Variants in ZSWIM3 observed in about 807,000 individuals in gnomAD.
The protein encoded by ZSWIM3 is zinc finger SWIM-type containing 3, also known as zinc finger SWIM domain-containing protein 3.
In ZSWIM3, 27 loss-of-function variants were observed where a neutral mutation model predicts 47.5. That is an observed-to-expected ratio of 0.57 (90% CI 0.42 to 0.78). ZSWIM3 has a LOEUF of 0.78. Ranked by LOEUF, ZSWIM3 falls within the 30% of genes least tolerant of loss-of-function variation. ZSWIM3 has a pLI of 0.00. For missense variants in ZSWIM3, 689 were observed against 861.3 expected, an observed-to-expected ratio of 0.80 and a Z score of 2.50; for synonymous variants, 333 against 333.9, an observed-to-expected ratio of 1.00 and a Z score of 0.03.
At chr20:45,876,586 A>C in intron 1 of ZSWIM3, 128 bp from the exon 2 acceptor site, 1 of 1,150,074 alleles carries the variant, frequency 8.7e-7, no homozygotes, top group South Asian at 1.6e-5. Context: ...TGATCCTCCC[A>C]CCTCAGCCTC....
Position 45,878,430 on chromosome 20 carries a change from G to T in ZSWIM3, c.1872G>T (p.Arg624Ser). ...GRNDMIQDLSRELANLLMQTE... is the reference protein window; with the variant it reads ...GRNDMIQDLSSELANLLMQTE... ...ACGACATGATTCAGGACCTAAGCAG[G>T]GAGTTAGCAAACCTGCTCATGCAGA... is the stretch of plus-strand genomic sequence containing the variant. The change falls in exon 2 of 2, where the codon AGG becomes AGT. Residue 624 changes from arginine to serine, a missense_variant. Coordinates refer to ENST00000255152, the MANE Select transcript of ZSWIM3 (RefSeq NM_080752.4). 2 of 1,614,212 alleles carry T rather than the reference G, an allele frequency of 1.2e-6. No individual in the cohort carries two copies. Among genetic ancestry groups the T allele is most frequent in the Non-Finnish European group, 1.7e-6 (2 of 1,180,042 alleles).
intron 1 of ZSWIM3, among the ~76,000 whole-genome samples, chr20:45,873,269 C>T (rs1251865465): frequency 4.6e-5 from 7 of 152,246 alleles, no homozygotes; most frequent in Admixed American, 3.9e-4. Context: ...GGCATGGTGG[C>T]GCATGCCTGT....
intron 1 of ZSWIM3, among the ~76,000 whole-genome samples, chr20:45,864,846 G>A (rs1483778658): frequency 6.6e-6 from 1 of 151,890 alleles, no homozygotes; most frequent in East Asian, 2.0e-4. Flanking sequence ...GGGTGACAGA[G>A]TGAGACTCCA....
At chr20:45,871,864 GAAAAA>G (rs11410450) in intron 1 of ZSWIM3, among the ~76,000 whole-genome samples, 1 of 131,914 alleles carries the variant, frequency 7.6e-6, no homozygotes, top group Non-Finnish European at 1.6e-5. Flanking sequence ...CTGTCTCAAA[GAAAAA>G]AAAAAAAAGA....
chr20:45,857,786 G>C lies in ZSWIM3; in HGVS notation c.-40G>C, dbSNP rs755806348. The stretch of plus-strand genomic sequence containing the variant: ...TGACCCCTGGTGTGATCTTGGGCCC[G>C]GGCTGGGACCAGCCCCTAGTGTGGG... On this transcript the variant is annotated 5_prime_UTR_variant, in exon 1 of 2. Transcript: ENST00000255152. 20 of 1,603,228 alleles carry C rather than the reference G, an allele frequency of 1.2e-5. No homozygotes were observed. Among genetic ancestry groups the C allele is most frequent in the Non-Finnish European group, 1.7e-5 (20 of 1,173,958 alleles).
chr20:45,878,672 A>AC lies in ZSWIM3; in HGVS notation c.*25dup. Reference sequence around the variant, plus strand: ...TGAAGCACTTTAGCTGAAGCATTGGACCACAAACACTTCTCCTTGGAAGTG... The same window carrying AC: ...TGAAGCACTTTAGCTGAAGCATTGGACCCACAAACACTTCTCCTTGGAAGTG... On this transcript the variant is annotated 3_prime_UTR_variant, in exon 2 of 2. Transcript: ENST00000255152. 1 of 1,581,568 alleles carries AC rather than the reference A, an allele frequency of 6.3e-7. No homozygotes were observed. The highest frequency in any genetic ancestry group is 8.6e-7 in the Non-Finnish European group (1 of 1,160,504).
At position 45,878,091 on chromosome 20, in the gene ZSWIM3, C is replaced by T. The variant is rs1291507492; in HGVS notation, c.1533C>T (p.His511=). Residue 511 remains histidine, a synonymous_variant, in exon 2 of 2, where the codon CAC becomes CAT. Transcript: ENST00000255152. The part of the protein sequence containing the change: ...SGSELAYKLC[H]NEWEVVQNST... ...CTGAACTAGCCTACAAGCTGTGCCA[C>T]AATGAGTGGGAGGTGGTACAGAACT... 1.2e-6 allele frequency: 2 copies of T among 1,614,190 alleles called. No individual in the cohort carries two copies. Among genetic ancestry groups the T allele is most frequent in the Admixed American group, 1.7e-5 (1 of 60,022 alleles).
chr20:45,876,138 G>A (rs1459979004), intron 1 of ZSWIM3, among the ~76,000 whole-genome samples: 2 of 151,894 alleles, frequency 1.3e-5, no homozygotes, highest in African/African-American at 2.4e-5. Flanking sequence ...CGCCTCCCGG[G>A]TTCAAGCGAT....
chr20:45,868,026 T>C (rs989933650), intron 1 of ZSWIM3, among the ~76,000 whole-genome samples: 1 of 152,214 alleles, frequency 6.6e-6, no homozygotes, highest in African/African-American at 2.4e-5. Flanking sequence ...CTTATAAAAT[T>C]AGTCACTACT....
intron 1 of ZSWIM3, among the ~76,000 whole-genome samples, chr20:45,862,839 T>G (rs921836912): frequency 1.3e-5 from 2 of 152,188 alleles, no homozygotes; most frequent in Non-Finnish European, 2.9e-5. Context: ...TCTCACTATG[T>G]TGCCCAAACT....
At chr20:45,869,980 GT>G (rs1424082446) in intron 1 of ZSWIM3, among the ~76,000 whole-genome samples, 2 of 148,582 alleles carry the variant, frequency 1.3e-5, no homozygotes, top group African/African-American at 5.0e-5. Flanking sequence ...GGAGGCGGAG[GT>G]TACAGTGAGT....
chr20:45,877,249 G>A lies in ZSWIM3; in HGVS notation c.691G>A (p.Gly231Ser). The stretch of plus-strand genomic sequence containing the variant: ...GCTACACCGGGTGGAGAACACCCAG[G>A]GCCACATCCTCTATGCTTTCTTGGT... ...LLLHRVENTQGHILYAFLVEN... is the reference protein window; with the variant it reads ...LLLHRVENTQSHILYAFLVEN... The change falls in exon 2 of 2, where the codon GGC becomes AGC. Residue 231 changes from glycine to serine, a missense_variant. Gly to Ser is a moderately conservative substitution (Grantham distance 56). Transcript: ENST00000255152. 1 of 1,614,034 alleles carries A rather than the reference G, an allele frequency of 6.2e-7. No individual in the cohort carries two copies. Among genetic ancestry groups the A allele is most frequent in the African/African-American group, 1.3e-5 (1 of 74,982 alleles).
chr20:45,873,699 T>C (rs1324788974), intron 1 of ZSWIM3, among the ~76,000 whole-genome samples: 6 of 152,200 alleles, frequency 3.9e-5, no homozygotes, highest in Non-Finnish European at 1.5e-5. Flanking sequence ...AGAGAGGTGA[T>C]TGACTTGCCT....
In ZSWIM3 at chr20:45,858,044, G is replaced by A. The variant is rs556526452; in HGVS notation, c.155+64G>A. 3.8e-5 allele frequency: 58 copies of A among 1,543,138 alleles called. 1 individual carries two copies. The East Asian group carries it at 6.5e-4, about 17-fold the overall frequency. ...GAGGAGGCTGGACCTCCGGAGGGCT[G>A]CCTGGAGGAGGAGGGGTGCATAGGC... On this transcript the variant is annotated intron_variant, in intron 1 of 1. Coordinates refer to ENST00000255152, the MANE Select transcript of ZSWIM3 (RefSeq NM_080752.4).
intron 1 of ZSWIM3, 91 bp downstream of exon 1, chr20:45,858,071 C>T (rs1048263690): frequency 1.0e-5 from 14 of 1,375,798 alleles, no homozygotes; most frequent in South Asian, 1.3e-5. Context: ...TGCATAGGCA[C>T]GCATTGGGCT....
rs1161292278 is a variant in ZSWIM3, at chr20:45,857,648, C to G, written c.-178C>G. On this transcript the variant is annotated 5_prime_UTR_variant, in exon 1 of 2. Transcript: ENST00000255152. ...CAAATACACCCCCTTCCTCTTGTAA[C>G]CCGGTCAGGCCTAGGGTTCCTCCCT... is the stretch of plus-strand genomic sequence containing the variant. 9 of 756,734 alleles carry G rather than the reference C, an allele frequency of 1.2e-5. No individual in the cohort carries two copies. Among genetic ancestry groups the G allele is most frequent in the East Asian group, 1.0e-4 (4 of 40,148 alleles). The allele number at this position is 756,734 out of a possible 1,614,324, so 46.9% of individuals were successfully genotyped here.
chr20:45,871,600 G>A (rs542020793), intron 1 of ZSWIM3, among the ~76,000 whole-genome samples: 3 of 151,602 alleles, frequency 2.0e-5, no homozygotes, highest in African/African-American at 7.3e-5. Context: ...ACCAAATACT[G>A]TACAAGTTGT....
At position 45,878,035 on chromosome 20, in the gene ZSWIM3, G is replaced by C. The variant is rs757335372; in HGVS notation, c.1477G>C (p.Gly493Arg). The change falls in exon 2 of 2, where the codon GGC becomes CGC. Residue 493 changes from glycine to arginine, a missense_variant. Gly to Arg is a moderately radical substitution (Grantham distance 125). Coordinates refer to ENST00000255152, the MANE Select transcript of ZSWIM3 (RefSeq NM_080752.4). ...GTCACAAGTGCCGCCCTCGCAGGTT[G>C]GCATGCTGGACACCTTGCACCAGAG... ...QQSQVPPSQV[G>R]MLDTLHQSGS... 3 of 1,614,018 alleles carry C rather than the reference G, an allele frequency of 1.9e-6. No homozygotes were observed. The African/African-American group carries it at 4.0e-5, about 22-fold the overall frequency.
chr20:45,877,660 G>T lies in ZSWIM3; in HGVS notation c.1102G>T (p.Ala368Ser), dbSNP rs748268524. 8 of 1,614,106 alleles carry T rather than the reference G, an allele frequency of 5.0e-6. No individual in the cohort carries two copies. Among genetic ancestry groups the T allele is most frequent in the South Asian group, 1.1e-5 (1 of 91,078 alleles). Reference protein sequence around the residue: ...LDEDLFNFLQAHWFTCELLWY... With the variant: ...LDEDLFNFLQSHWFTCELLWY... ...TGAGGATCTCTTCAACTTCCTGCAGGCCCACTGGTTCACCTGTGAACTGCT... is the reference window on the plus strand; with the variant it reads ...TGAGGATCTCTTCAACTTCCTGCAGTCCCACTGGTTCACCTGTGAACTGCT... The change falls in exon 2 of 2, where the codon GCC (alanine) becomes TCC (serine). Residue 368 changes from alanine (A) to serine (S), a missense_variant. Ala to Ser is a moderately conservative substitution (Grantham distance 99). Coordinates refer to ENST00000255152, the MANE Select transcript of ZSWIM3 (RefSeq NM_080752.4).
Sources: gnomAD v4.1 joint callset for allele counts (sites outside exome capture counted in the v4.1 genomes callset) on GRCh38, gnomAD v4.1.1 for gene constraint, MANE v1.5 for transcripts, NCBI Gene and HGNC (gene_info 2026-07-23, HGNC 2026-07-21) for gene names.